The following PDE4D variants were observed in gnomAD, a reference collection of about 807,000 sequenced individuals.
PDE4D encodes the protein phosphodiesterase 4D, also known as 3',5'-cyclic-AMP phosphodiesterase 4D.
Under a neutral mutation model 87.4 loss-of-function variants are expected in PDE4D, and 24 were observed. The ratio of observed to expected loss-of-function variants is 0.27; its 90% CI spans 0.20 to 0.39. The LOEUF is 0.39. PDE4D is among the 10% of genes least tolerant of loss of function. The pLI, the probability that PDE4D is intolerant of heterozygous loss-of-function variation, is 1.00. For missense variants in PDE4D, 714 were observed against 1,041.0 expected (o/e 0.69, Z 4.32); for synonymous variants, 384 against 383.2 (o/e 1.00, Z -0.02).
chr5:60,287,698 G>A (rs1562290931), intron 1 of PDE4D, among the ~76,000 whole-genome samples: 1 of 151,952 alleles, frequency 6.6e-6, no homozygotes, highest in Non-Finnish European at 1.5e-5. Context: ...CCCCATCCTT[G>A]GCAGAAATAG....
intron 3 of PDE4D, among the ~76,000 whole-genome samples, chr5:59,938,172 A>T (rs754860806): frequency 2.1e-4 from 32 of 152,136 alleles, no homozygotes; most frequent in Non-Finnish European, 3.8e-4. Flanking sequence ...ATTAAATAGC[A>T]CCCTTCAATT....
intron 1 of PDE4D, among the ~76,000 whole-genome samples, chr5:60,320,006 A>G (rs1756067300): frequency 6.6e-6 from 1 of 152,190 alleles, no homozygotes; most frequent in East Asian, 1.9e-4. Context: ...CTCTCTTCAA[A>G]GCTGTCAGAC....
intron 1 of PDE4D, among the ~76,000 whole-genome samples, chr5:59,597,522 A>C (rs1826874541): frequency 6.6e-6 from 1 of 152,064 alleles, no homozygotes; most frequent in Non-Finnish European, 1.5e-5. Flanking sequence ...GGTGAGAGAG[A>C]GAGAAAGAGA....
At chr5:60,382,465 T>C (rs1171540856) in intron 1 of PDE4D, among the ~76,000 whole-genome samples, 1 of 152,202 alleles carries the variant, frequency 6.6e-6, no homozygotes, top group East Asian at 1.9e-4. Context: ...AGCATCGGAC[T>C]CAACTCAAGC....
At chr5:59,807,330 C>G (rs1767853418) in intron 1 of PDE4D, among the ~76,000 whole-genome samples, 1 of 152,194 alleles carries the variant, frequency 6.6e-6, no homozygotes, top group Non-Finnish European at 1.5e-5. Context: ...GACCTGGGAG[C>G]TCATGGCCCG....
intron 1 of PDE4D, among the ~76,000 whole-genome samples, chr5:59,264,350 A>G (rs1176222852): frequency 6.6e-6 from 1 of 152,038 alleles, no homozygotes; most frequent in East Asian, 1.9e-4. Flanking sequence ...TTCTTTTGAT[A>G]TTTACATGAA....
chr5:60,501,513 C>G (rs963665463), intron 1 of PDE4D, among the ~76,000 whole-genome samples: 3 of 151,122 alleles, frequency 2.0e-5, no homozygotes, highest in Non-Finnish European at 4.4e-5. Flanking sequence ...TGGGTATATA[C>G]CCAGTAATGG....
intron 5 of PDE4D, among the ~76,000 whole-genome samples, chr5:59,077,674 T>G (rs897730693): frequency 1.3e-5 from 2 of 151,930 alleles, no homozygotes; most frequent in Admixed American, 1.3e-4. Context: ...GAGCTCCTAA[T>G]ATTTTCTTTT....
chr5:59,738,539 A>G (rs552435673), intron 1 of PDE4D, among the ~76,000 whole-genome samples: 27 of 152,230 alleles, frequency 1.8e-4, no homozygotes, highest in African/African-American at 5.5e-4. Context: ...AAGTAAACAC[A>G]TAATAGTAGT....
chr5:59,950,219 T>A (rs1198926895), intron 3 of PDE4D, among the ~76,000 whole-genome samples: 1 of 152,282 alleles, frequency 6.6e-6, no homozygotes, highest in Non-Finnish European at 1.5e-5. Flanking sequence ...ATACCTCTGA[T>A]CTAAGACCAC....
intron 1 of PDE4D, among the ~76,000 whole-genome samples, chr5:59,491,368 A>T (rs543755563): frequency 6.6e-6 from 1 of 152,308 alleles, no homozygotes; most frequent in East Asian, 1.9e-4. Context: ...TTTTCTTGGC[A>T]ATGCACCATT....
At chr5:60,264,962 T>C (rs1049105880) in intron 1 of PDE4D, among the ~76,000 whole-genome samples, 1 of 152,210 alleles carries the variant, frequency 6.6e-6, no homozygotes, top group African/African-American at 2.4e-5. Flanking sequence ...AAGGATATCA[T>C]GATGAAAATT....
At chr5:59,842,882 C>A (rs1229802379) in intron 1 of PDE4D, among the ~76,000 whole-genome samples, 1 of 151,956 alleles carries the variant, frequency 6.6e-6, no homozygotes, top group Non-Finnish European at 1.5e-5. Context: ...AATGATAAAA[C>A]TAGCATCACA....
At chr5:58,980,691 G>A (rs1744912395) in intron 11 of PDE4D, among the ~76,000 whole-genome samples, 1 of 150,778 alleles carries the variant, frequency 6.6e-6, no homozygotes, top group South Asian at 2.1e-4. Flanking sequence ...GAAATGGGGG[G>A]AAGGGTGGGC....
chr5:60,387,445 C>G (rs1762264673), intron 1 of PDE4D, among the ~76,000 whole-genome samples: 1 of 152,176 alleles, frequency 6.6e-6, no homozygotes, highest in Non-Finnish European at 1.5e-5. Flanking sequence ...TTGGTGTAAA[C>G]TGATACCAAT....
chr5:59,657,303 C>CA (rs1744522561), intron 1 of PDE4D, among the ~76,000 whole-genome samples: 1 of 152,200 alleles, frequency 6.6e-6, no homozygotes, highest in Admixed American at 6.5e-5. Flanking sequence ...TAACTTGTCA[C>CA]AATTGTTAAC....
intron 1 of PDE4D, among the ~76,000 whole-genome samples, chr5:59,727,894 G>C (rs1332043565): frequency 1.3e-5 from 2 of 152,104 alleles, no homozygotes; most frequent in Non-Finnish European, 2.9e-5. Flanking sequence ...TTGGAAGGAA[G>C]AGAAATAAGA....
chr5:59,358,800 CT>C (rs146743022), intron 1 of PDE4D, among the ~76,000 whole-genome samples: 9 of 152,100 alleles, frequency 5.9e-5, no homozygotes, highest in African/African-American at 2.2e-4. Flanking sequence ...CAAAGATGGA[CT>C]TTTTTCACCC....
chr5:59,005,930 CT>C (rs1240806893), intron 6 of PDE4D, among the ~76,000 whole-genome samples: 3 of 152,136 alleles, frequency 2.0e-5, no homozygotes, highest in Non-Finnish European at 4.4e-5. Context: ...TTTTTGCTAA[CT>C]TTACAGTGCC....
Sources: allele counts gnomAD v4.1 joint callset (sites outside exome capture counted in the v4.1 genomes callset), GRCh38; gene constraint gnomAD v4.1.1; transcripts MANE v1.5; gene names NCBI Gene and HGNC (gene_info 2026-07-23, HGNC 2026-07-21).